The following CACNA1D variants were observed in gnomAD, a reference collection of about 807,000 sequenced individuals.
The protein encoded by CACNA1D is calcium voltage-gated channel subunit alpha1 D.
Under a neutral mutation model 257.1 loss-of-function variants are expected in CACNA1D, and 55 were observed. That is an observed-to-expected ratio of 0.21 (90% CI 0.17 to 0.27). CACNA1D has a LOEUF of 0.27. Among genes scored for constraint, CACNA1D ranks in the 10% least tolerant of loss-of-function variants. CACNA1D has a pLI of 1.00. For missense variants in CACNA1D, 1,876 were observed against 2,784.0 expected, an observed-to-expected ratio of 0.67 and a Z score of 7.34; for synonymous variants, 980 against 1,014.9, an observed-to-expected ratio of 0.97 and a Z score of 0.65.
At chr3:53,777,618 G>A (rs558896501) in intron 37 of CACNA1D, among the ~76,000 whole-genome samples, 20 of 152,234 alleles carry the variant, frequency 1.3e-4, no homozygotes, top group African/African-American at 3.6e-4. Flanking sequence ...TCCCAGCCTC[G>A]GCATTGGGGG....
intron 9 of CACNA1D, among the ~76,000 whole-genome samples, chr3:53,715,924 A>G (rs2094813708): frequency 6.6e-6 from 1 of 152,230 alleles, no homozygotes; most frequent in African/African-American, 2.4e-5. Flanking sequence ...AATAGTTGGC[A>G]GGGGGCCAGA....
At chr3:53,733,571 G>A (rs914861147) in intron 19 of CACNA1D, among the ~76,000 whole-genome samples, 3 of 152,146 alleles carry the variant, frequency 2.0e-5, no homozygotes, top group African/African-American at 7.2e-5. Context: ...AAAATGATAA[G>A]GTGCTCACAA....
In CACNA1D at chr3:53,726,419, CT is replaced by C; in HGVS notation, c.2101-458del. On this transcript the variant is annotated intron_variant, in intron 14 of 47. Transcript: ENST00000350061. The stretch of plus-strand genomic sequence containing the variant: ...TTGGGAGGCTGAAGTGGGCGGAACA[CT>C]TGAGGTCAGGAGTTCGAGACCAGCC... Among the ~76,000 whole-genome samples, 4 of 148,680 alleles carry C rather than the reference CT, an allele frequency of 2.7e-5. No homozygotes were observed. The East Asian group carries it at 6.1e-4, about 23-fold the overall frequency.
intron 9 of CACNA1D, among the ~76,000 whole-genome samples, chr3:53,715,704 C>T (rs1576441212): frequency 2.0e-5 from 3 of 152,174 alleles, no homozygotes; most frequent in Non-Finnish European, 4.4e-5. Context: ...ATCTGGCCAA[C>T]CTGTGCACCT....
At chr3:53,578,000 T>C (rs2093066445) in intron 3 of CACNA1D, among the ~76,000 whole-genome samples, 1 of 152,216 alleles carries the variant, frequency 6.6e-6, no homozygotes, top group Non-Finnish European at 1.5e-5. Context: ...TCACTTAATC[T>C]GCTTTTTGTC....
At chr3:53,616,253 C>T (rs2093635252) in intron 3 of CACNA1D, among the ~76,000 whole-genome samples, 1 of 152,164 alleles carries the variant, frequency 6.6e-6, no homozygotes, top group South Asian at 2.1e-4. Flanking sequence ...TTGAACCTAC[C>T]TGGAGCTGAA....
intron 3 of CACNA1D, among the ~76,000 whole-genome samples, chr3:53,607,379 G>A (rs2093525074): frequency 6.6e-6 from 1 of 152,200 alleles, no homozygotes; most frequent in South Asian, 2.1e-4. Flanking sequence ...GCAAGCCCAG[G>A]GTTATCACAT....
At chr3:53,675,643 A>G (rs1035755794) in intron 8 of CACNA1D, among the ~76,000 whole-genome samples, 2 of 152,232 alleles carry the variant, frequency 1.3e-5, no homozygotes, top group African/African-American at 4.8e-5. Flanking sequence ...ACTATCACAA[A>G]TGGGGATTAA....
intron 3 of CACNA1D, among the ~76,000 whole-genome samples, chr3:53,578,516 G>A (rs1385118106): frequency 1.3e-5 from 2 of 152,174 alleles, no homozygotes; most frequent in African/African-American, 4.8e-5. Context: ...GGTCGAGTGA[G>A]GGCGTGGAGG....
chr3:53,648,774 T>C (rs976574666), intron 3 of CACNA1D, among the ~76,000 whole-genome samples: 1 of 151,578 alleles, frequency 6.6e-6, no homozygotes, highest in Admixed American at 6.6e-5. Flanking sequence ...AGGTTGGAGA[T>C]GAGCTAGGCT....
rs150290294 is a variant in CACNA1D, at chr3:53,582,237, C to T, written c.484-68542C>T. 8.8e-3 allele frequency among the ~76,000 whole-genome samples: 1,342 copies of T among 152,220 alleles called. 86 individuals carry two copies. Among genetic ancestry groups the T allele is most frequent in the Admixed American group, 0.082 (1,256 of 15,280 alleles). ...TGTCTTACTGAGCCAGTTGTTCATT[C>T]CCCAGCAAACATTTCATGTTTACAG... On this transcript the variant is annotated intron_variant, in intron 3 of 47. Transcript: ENST00000350061.
At chr3:53,554,760 A>G (rs2107603262) in intron 3 of CACNA1D, among the ~76,000 whole-genome samples, 1 of 152,338 alleles carries the variant, frequency 6.6e-6, no homozygotes, top group East Asian at 1.9e-4. Flanking sequence ...CCCAGGGACC[A>G]GCACATGGCC....
At chr3:53,713,502 A>ATGTGTGTGTGTG (rs35655186) in intron 9 of CACNA1D, among the ~76,000 whole-genome samples, 45 of 129,450 alleles carry the variant, frequency 3.5e-4, no homozygotes, top group Middle Eastern at 3.7e-3. Flanking sequence ...CTCTGTGTGT[A>ATGTGTGTGTGTG]TGTGTGTGTG....
intron 3 of CACNA1D, among the ~76,000 whole-genome samples, chr3:53,625,014 G>T (rs1405633114): frequency 6.6e-6 from 1 of 152,308 alleles, no homozygotes; most frequent in East Asian, 1.9e-4. Context: ...GTGCATGCAC[G>T]CTAAGGAGTA....
At chr3:53,558,919 G>A (rs1472429511) in intron 3 of CACNA1D, among the ~76,000 whole-genome samples, 1 of 152,092 alleles carries the variant, frequency 6.6e-6, no homozygotes, top group African/African-American at 2.4e-5. Context: ...CTAAATATAG[G>A]AAGTTTTCAG....
chr3:53,603,331 G>A (rs536051234), intron 3 of CACNA1D, among the ~76,000 whole-genome samples: 1 of 152,326 alleles, frequency 6.6e-6, no homozygotes, highest in East Asian at 1.9e-4. Flanking sequence ...CCAGACTGCT[G>A]GGGTTTGAAT....
intron 45 of CACNA1D, among the ~76,000 whole-genome samples, chr3:53,805,833 C>T (rs980288538): frequency 7.1e-6 from 1 of 140,564 alleles, no homozygotes; most frequent in African/African-American, 2.7e-5. Flanking sequence ...TCCATCTTCC[C>T]TCCTCCTCCA....
chr3:53,589,311 G>A (rs1203022276), intron 3 of CACNA1D, among the ~76,000 whole-genome samples: 1 of 152,126 alleles, frequency 6.6e-6, no homozygotes, highest in Non-Finnish European at 1.5e-5. Context: ...GGAAAAGCTG[G>A]GATGCTGAGT....
intron 3 of CACNA1D, among the ~76,000 whole-genome samples, chr3:53,560,875 T>C (rs1046794174): frequency 3.9e-5 from 6 of 152,232 alleles, no homozygotes; most frequent in Non-Finnish European, 7.3e-5. Flanking sequence ...ACAACTCCTC[T>C]TGATTGAAAT....
Sources: gnomAD v4.1 joint callset for allele counts (sites outside exome capture counted in the v4.1 genomes callset) on GRCh38, gnomAD v4.1.1 for gene constraint, MANE v1.5 for transcripts, NCBI Gene and HGNC (gene_info 2026-07-23, HGNC 2026-07-21) for gene names.